Variants in ASIC2 observed in about 807,000 individuals in gnomAD.
ASIC2 encodes the protein acid sensing ion channel subunit 2, also known as acid-sensing ion channel 2.
Under a neutral mutation model 57.3 loss-of-function variants are expected in ASIC2, and 25 were observed. That is an observed-to-expected ratio of 0.44 (90% CI 0.32 to 0.61). ASIC2 has a LOEUF of 0.61. ASIC2 is among the 20% of genes least tolerant of loss of function. The probability of loss-of-function intolerance (pLI) is 0.06; values close to 1 mark genes in which losing one functional copy is unlikely to be tolerated. For missense variants in ASIC2, 641 were observed against 738.1 expected, an observed-to-expected ratio of 0.87 and a Z score of 1.52; for synonymous variants, 319 against 307.5, an observed-to-expected ratio of 1.04 and a Z score of -0.39.
intron 1 of ASIC2, among the ~76,000 whole-genome samples, chr17:33,307,205 T>C (rs1203493734): frequency 1.3e-5 from 2 of 152,164 alleles, no homozygotes; most frequent in Non-Finnish European, 2.9e-5. Context: ...GATAGTGTTC[T>C]CCTTATTTCT....
chr17:33,157,360 C>A (rs1024442789), intron 1 of ASIC2, among the ~76,000 whole-genome samples: 1 of 152,262 alleles, frequency 6.6e-6, no homozygotes, highest in East Asian at 1.9e-4. Flanking sequence ...CCGTGATGCC[C>A]ATTTTACAGA....
chr17:33,486,599 G>A (rs1913583037), intron 1 of ASIC2, among the ~76,000 whole-genome samples: 1 of 152,328 alleles, frequency 6.6e-6, no homozygotes, highest in African/African-American at 2.4e-5. Context: ...GGAGTGTACT[G>A]CTCCACCCTC....
chr17:34,050,564 G>A (rs1908519632), intron 1 of ASIC2, among the ~76,000 whole-genome samples: 2 of 152,092 alleles, frequency 1.3e-5, no homozygotes, highest in South Asian at 4.1e-4. Context: ...GTCCGTTTAT[G>A]GATTTTAATC....
intron 1 of ASIC2, chr17:34,038,078 T>C: frequency 6.2e-7 from 1 of 1,613,342 alleles, no homozygotes; most frequent in Non-Finnish European, 8.5e-7. Flanking sequence ...GCTATCATCA[T>C]CCATGATCTT....
intron 1 of ASIC2, among the ~76,000 whole-genome samples, chr17:33,561,044 C>A (rs1417302796): frequency 6.6e-6 from 1 of 152,142 alleles, no homozygotes; most frequent in African/African-American, 2.4e-5. Flanking sequence ...TCAAGCCTTT[C>A]TGTTTCCTGG....
At chr17:33,220,838 C>T (rs1907662669) in intron 1 of ASIC2, among the ~76,000 whole-genome samples, 1 of 151,982 alleles carries the variant, frequency 6.6e-6, no homozygotes, top group Non-Finnish European at 1.5e-5. Flanking sequence ...GGGGCCGAGG[C>T]GGGAAAATTG....
intron 1 of ASIC2, among the ~76,000 whole-genome samples, chr17:33,993,305 G>A (rs1434629289): frequency 6.6e-6 from 1 of 152,188 alleles, no homozygotes; most frequent in African/African-American, 2.4e-5. Flanking sequence ...CACATGTCCA[G>A]AATGATGATT....
intron 1 of ASIC2, among the ~76,000 whole-genome samples, chr17:33,723,507 C>T (rs35250145): frequency 0.11 from 16,316 of 151,918 alleles, 2,709 homozygotes; most frequent in African/African-American, 0.36. Flanking sequence ...TTTTGCATTT[C>T]TATTAGAGAT....
At chr17:33,062,613 G>T (rs1273246750) in intron 3 of ASIC2, among the ~76,000 whole-genome samples, 1 of 152,042 alleles carries the variant, frequency 6.6e-6, no homozygotes, top group Non-Finnish European at 1.5e-5. Flanking sequence ...AGGTGTGGTG[G>T]GGTGCTGAGA....
At chr17:33,250,551 C>T (rs1273190774) in intron 1 of ASIC2, among the ~76,000 whole-genome samples, 2 of 152,228 alleles carry the variant, frequency 1.3e-5, no homozygotes, top group Non-Finnish European at 2.9e-5. Context: ...TCCCATGCGC[C>T]ATGTTCTCGG....
At chr17:33,512,699 G>A (rs113772340) in intron 1 of ASIC2, among the ~76,000 whole-genome samples, 4,346 of 152,258 alleles carry the variant, frequency 0.029, 73 homozygotes, top group Middle Eastern at 0.1. Flanking sequence ...CAGTTTCTGG[G>A]TTTATCCTTC....
At position 33,214,133 on chromosome 17, in the gene ASIC2, G is replaced by T. The variant is rs749766134; in HGVS notation, c.708+77275C>A. Among the ~76,000 whole-genome samples, 13 of 152,278 alleles carry T rather than the reference G, an allele frequency of 8.5e-5. 1 individual carries two copies. In the South Asian group the frequency reaches 2.3e-3, roughly 27 times the overall value. On this transcript the variant is annotated intron_variant, in intron 1 of 9. Coordinates refer to ENST00000225823, the MANE Select transcript of ASIC2 (RefSeq NM_183377.2). ...ATGACTGGGACCTAAATGGCAAAAA[G>T]CCTGCTATCCAAGCTCAGAAACATC...
At chr17:33,972,618 C>A (rs1264077385) in intron 1 of ASIC2, among the ~76,000 whole-genome samples, 1 of 152,210 alleles carries the variant, frequency 6.6e-6, no homozygotes, top group Non-Finnish European at 1.5e-5. Flanking sequence ...TTTGCACCTT[C>A]CACTCCCTCA....
intron 1 of ASIC2, among the ~76,000 whole-genome samples, chr17:33,714,206 C>G (rs1909139589): frequency 6.6e-6 from 1 of 152,178 alleles, no homozygotes; most frequent in East Asian, 1.9e-4. Context: ...ACCATCAATT[C>G]ACAGCAATTT....
chr17:33,480,629 G>GTAA (rs1362620793), intron 1 of ASIC2, among the ~76,000 whole-genome samples: 3 of 152,146 alleles, frequency 2.0e-5, no homozygotes, highest in African/African-American at 7.2e-5. Context: ...CAAGGGGAAG[G>GTAA]GGGGACCATT....
At chr17:33,581,626 G>C (rs1904443884) in intron 1 of ASIC2, among the ~76,000 whole-genome samples, 1 of 152,174 alleles carries the variant, frequency 6.6e-6, no homozygotes, top group Admixed American at 6.5e-5. Context: ...TGGCTCAAGG[G>C]CCCAGTTGCA....
At chr17:34,123,097 G>C (rs1598037676) in intron 1 of ASIC2, among the ~76,000 whole-genome samples, 1 of 152,282 alleles carries the variant, frequency 6.6e-6, no homozygotes, top group African/African-American at 2.4e-5. Context: ...GTTGTCGGAA[G>C]ACAAGTCTTG....
At chr17:33,342,718 A>G (rs1907774084) in intron 1 of ASIC2, among the ~76,000 whole-genome samples, 1 of 152,140 alleles carries the variant, frequency 6.6e-6, no homozygotes, top group Non-Finnish European at 1.5e-5. Flanking sequence ...ATGCAGCCTC[A>G]TCGGATCACT....
chr17:33,588,187 C>G (rs1030146183), intron 1 of ASIC2, among the ~76,000 whole-genome samples: 1 of 152,206 alleles, frequency 6.6e-6, no homozygotes, highest in Non-Finnish European at 1.5e-5. Context: ...ATGGCTTAAT[C>G]TCAAAGGTAT....
Sources: allele counts gnomAD v4.1 joint callset (sites outside exome capture counted in the v4.1 genomes callset), GRCh38; gene constraint gnomAD v4.1.1; transcripts MANE v1.5; gene names NCBI Gene and HGNC (gene_info 2026-07-23, HGNC 2026-07-21).